Variants in CAMK4 observed in about 807,000 individuals in gnomAD.
CAMK4 encodes the protein calcium/calmodulin dependent protein kinase IV, also known as calcium/calmodulin-dependent protein kinase type IV.
CAMK4 carries 22 observed loss-of-function variants against 44.9 expected under a neutral mutation model. The observed-to-expected ratio is 0.49, with a 90% CI of 0.35 to 0.70. The LOEUF is 0.70. Among genes scored for constraint, CAMK4 ranks in the 30% least tolerant of loss-of-function variants. The pLI is 0.01. For synonymous variants in CAMK4, 218 were observed against 215.4 expected (o/e 1.01, Z -0.11); for missense variants, 498 against 586.8 (o/e 0.85, Z 1.56).
At chr5:111,298,070 T>C (rs753694188) in intron 1 of CAMK4, among the ~76,000 whole-genome samples, 4 of 152,214 alleles carry the variant, frequency 2.6e-5, no homozygotes, top group Non-Finnish European at 5.9e-5. Flanking sequence ...TAGCACCTAA[T>C]GTAGGAATAT....
intron 5 of CAMK4, among the ~76,000 whole-genome samples, chr5:111,444,529 C>A (rs1031859798): frequency 8.5e-5 from 13 of 152,084 alleles, no homozygotes; most frequent in African/African-American, 3.1e-4. Flanking sequence ...CCACACTGGG[C>A]CCATGAGAAA....
chr5:111,454,647 CAAA>C (rs66917170), intron 7 of CAMK4, among the ~76,000 whole-genome samples: 3 of 114,566 alleles, frequency 2.6e-5, no homozygotes, highest in Admixed American at 8.8e-5. Flanking sequence ...GTCACACAGA[CAAA>C]AAAAAAAAAA....
At chr5:111,330,401 G>A (rs983438871) in intron 1 of CAMK4, among the ~76,000 whole-genome samples, 1 of 151,644 alleles carries the variant, frequency 6.6e-6, no homozygotes, top group African/African-American at 2.4e-5. Context: ...ACATTAAGAT[G>A]TCAGTTCTCT....
rs184774624 is a variant in CAMK4 at position 111,448,587 on chromosome 5, C to T, written c.551-542C>T. 8.5e-4 allele frequency among the ~76,000 whole-genome samples: 129 copies of T among 152,268 alleles called. 1 individual carries two copies. The South Asian group carries it at 8.9e-3, about 11-fold the overall frequency. On this transcript the variant is annotated intron_variant, in intron 6 of 10. Transcript: ENST00000282356. The stretch of plus-strand genomic sequence containing the variant: ...CTTTGGGACTGAGGTGGGTGGATCA[C>T]GAGGTCAGGAGATCGAGACCATCCT...
At chr5:111,470,822 ATTCTCTGGTGAAGGT>A in intron 7 of CAMK4, among the ~76,000 whole-genome samples, 1 of 152,322 alleles carries the variant, frequency 6.6e-6, no homozygotes, top group Middle Eastern at 3.4e-3. Context: ...GTGGAGAAGG[ATTCTCTGGTGAAGGT>A]TTCCTGGGAA....
At position 111,364,266 on chromosome 5, in the gene CAMK4, G is replaced by GA. The variant is rs1750707401; in HGVS notation, c.241-10578dup. Reference sequence around the variant, plus strand: ...GGAGATACAGATAAAAGAAGCAAGAGAAAAAAGTGCTGGGTAAAGACATGA... The same window carrying GA: ...GGAGATACAGATAAAAGAAGCAAGAGAAAAAAAGTGCTGGGTAAAGACATGA... On this transcript the variant is annotated intron_variant, in intron 2 of 10. Coordinates refer to ENST00000282356, the MANE Select transcript of CAMK4 (RefSeq NM_001744.6). Among the ~76,000 whole-genome samples, 3 of 152,104 alleles carry GA rather than the reference G, an allele frequency of 2.0e-5. 1 individual carries two copies. Among genetic ancestry groups the GA allele is most frequent in the Admixed American group, 2.0e-4 (3 of 15,246 alleles).
chr5:111,295,753 A>T (rs533098229), intron 1 of CAMK4, among the ~76,000 whole-genome samples: 10 of 152,148 alleles, frequency 6.6e-5, no homozygotes, highest in Non-Finnish European at 1.3e-4. Context: ...TCTTATCCCC[A>T]CTGTTGTCTA....
At chr5:111,423,171 A>T (rs1186709117) in intron 5 of CAMK4, among the ~76,000 whole-genome samples, 2 of 152,242 alleles carry the variant, frequency 1.3e-5, no homozygotes, top group Admixed American at 1.3e-4. Flanking sequence ...ATGTTTAATT[A>T]TTCAAGAAAC....
chr5:111,339,581 CTA>C (rs1222750674), intron 1 of CAMK4, among the ~76,000 whole-genome samples: 1 of 151,288 alleles, frequency 6.6e-6, no homozygotes, highest in Non-Finnish European at 1.5e-5. Flanking sequence ...TTCCATTGCT[CTA>C]TGTGTTTATT....
intron 7 of CAMK4, among the ~76,000 whole-genome samples, chr5:111,460,267 TTTTC>T (rs1385678193): frequency 8.2e-5 from 11 of 134,494 alleles, no homozygotes; most frequent in African/African-American, 3.3e-4. Flanking sequence ...TTTCTTTTCT[TTTTC>T]TTTTTTTTTT....
chr5:111,343,439 G>A (rs1447754190), intron 1 of CAMK4, among the ~76,000 whole-genome samples: 1 of 151,700 alleles, frequency 6.6e-6, no homozygotes, highest in Non-Finnish European at 1.5e-5. Context: ...GGACCACGTT[G>A]TCCTGCTTTT....
intron 1 of CAMK4, among the ~76,000 whole-genome samples, chr5:111,232,569 A>G (rs1431694377): frequency 1.3e-5 from 2 of 152,160 alleles, no homozygotes; most frequent in African/African-American, 4.8e-5. Context: ...ACCAAAGACA[A>G]CCTGTTTAAA....
At position 111,457,748 on chromosome 5, in the gene CAMK4, G is replaced by A. The variant is rs543468208; in HGVS notation, c.625+8545G>A. On this transcript the variant is annotated intron_variant, in intron 7 of 10. Transcript: ENST00000282356. ...ATCTAAAATAGAAACTTTTAGTATAGTTTCACAAAAGGCATAGTGTTTGTG... is the reference window on the plus strand; with the variant it reads ...ATCTAAAATAGAAACTTTTAGTATAATTTCACAAAAGGCATAGTGTTTGTG... Among the ~76,000 whole-genome samples the A allele has an allele frequency of 1.8e-3, 270 of 152,280 alleles. 1 individual carries two copies. Among genetic ancestry groups the A allele is most frequent in the Middle Eastern group, 0.014 (4 of 294 alleles).
intron 9 of CAMK4, among the ~76,000 whole-genome samples, chr5:111,481,528 T>C (rs1755433790): frequency 6.6e-6 from 1 of 152,190 alleles, no homozygotes; most frequent in Non-Finnish European, 1.5e-5. Context: ...TCATTTGACT[T>C]GCCGCCTGAT....
intron 1 of CAMK4, among the ~76,000 whole-genome samples, chr5:111,292,313 T>A (rs1274163705): frequency 6.6e-6 from 1 of 152,202 alleles, no homozygotes. Flanking sequence ...AACTTATTTT[T>A]CAAACTACTT....
At chr5:111,312,765 G>A (rs1167753737) in intron 1 of CAMK4, among the ~76,000 whole-genome samples, 2 of 152,148 alleles carry the variant, frequency 1.3e-5, no homozygotes, top group African/African-American at 2.4e-5. Context: ...ATGAACTGGA[G>A]GCCAACTCCC....
At chr5:111,238,939 C>T (rs1344057688) in intron 1 of CAMK4, among the ~76,000 whole-genome samples, 1 of 150,086 alleles carries the variant, frequency 6.7e-6, no homozygotes, top group Non-Finnish European at 1.5e-5. Context: ...CTTCCAGGCA[C>T]TAGCACCTTG....
At chr5:111,391,678 C>G (rs950696713) in intron 4 of CAMK4, among the ~76,000 whole-genome samples, 1 of 152,042 alleles carries the variant, frequency 6.6e-6, no homozygotes, top group Admixed American at 6.6e-5. Context: ...AAAACAAACA[C>G]AAAACATTCT....
At chr5:111,471,357 T>A (rs1054179289) in intron 7 of CAMK4, among the ~76,000 whole-genome samples, 64 of 152,266 alleles carry the variant, frequency 4.2e-4, no homozygotes, top group Non-Finnish European at 1.6e-4. Context: ...CAAAAATTGA[T>A]GTGGATGATC....
Sources: allele counts gnomAD v4.1 joint callset (sites outside exome capture counted in the v4.1 genomes callset), GRCh38; gene constraint gnomAD v4.1.1; transcripts MANE v1.5; gene names NCBI Gene and HGNC (gene_info 2026-07-23, HGNC 2026-07-21).